The following SEC23IP variants were observed in gnomAD, a reference collection of about 807,000 sequenced individuals.
SEC23IP encodes the protein SEC23 interacting protein.
Under a neutral mutation model 113.4 loss-of-function variants are expected in SEC23IP, and 70 were observed. The ratio of observed to expected loss-of-function variants is 0.62; its 90% CI spans 0.51 to 0.75. SEC23IP has a LOEUF of 0.75. Ranked by LOEUF, SEC23IP falls within the 30% of genes least tolerant of loss-of-function variation. The pLI, the probability that SEC23IP is intolerant of heterozygous loss-of-function variation, is 0.00. For missense variants in SEC23IP, 1,160 were observed against 1,204.9 expected (o/e 0.96, Z 0.55); for synonymous variants, 398 against 421.0 (o/e 0.95, Z 0.67).
At chr10:119,893,514 CTTTTT>C (rs60552712) in intron 1 of SEC23IP, among the ~76,000 whole-genome samples, 1 of 85,336 alleles carries the variant, frequency 1.2e-5, no homozygotes, top group African/African-American at 5.1e-5. Context: ...CATTCCTTAT[CTTTTT>C]TTTTTTTTTT....
rs1186596091 is a variant in SEC23IP at position 119,902,826 on chromosome 10, C to T, written c.724C>T (p.Gln242Ter). The T allele has an allele frequency of 1.2e-6, 2 of 1,614,200 alleles. No individual in the cohort carries two copies. The highest frequency in any genetic ancestry group is 2.2e-5 in the East Asian group (1 of 44,884). The stretch of plus-strand genomic sequence containing the variant: ...TCCTTCTTCAGTGCAGTCACCGGCA[C>T]AGCAGCAGGTACCTGCCAGACCTGG... The part of the protein sequence containing the change: ...PVPSSVQSPA[Q>*]QQVPARPGAP... The change falls in exon 3 of 19, where the codon CAG (glutamine) becomes TAG (stop). Residue 242 changes from glutamine to a stop codon, truncating the protein, a stop_gained. Transcript: ENST00000369075. LOFTEE classifies it high-confidence loss of function.
At chr10:119,907,577 G>A (rs867498165) in intron 4 of SEC23IP, among the ~76,000 whole-genome samples, 23 of 152,226 alleles carry the variant, frequency 1.5e-4, no homozygotes, top group South Asian at 4.2e-4. Flanking sequence ...AGAATAGTAC[G>A]ATCGGCCCTC....
intron 7 of SEC23IP, among the ~76,000 whole-genome samples, chr10:119,915,293 T>C (rs1463788346): frequency 6.6e-6 from 1 of 152,110 alleles, no homozygotes; most frequent in Non-Finnish European, 1.5e-5. Flanking sequence ...AATAAACCTT[T>C]GGGGTATAGG....
At chr10:119,938,229 G>C (rs368845852) in intron 18 of SEC23IP, among the ~76,000 whole-genome samples, 52 of 152,234 alleles carry the variant, frequency 3.4e-4, no homozygotes, top group African/African-American at 1.1e-3. Flanking sequence ...TGGGGGAGGG[G>C]CTTTACCAAC....
rs567351582 is a variant in SEC23IP at position 119,940,642 on chromosome 10, A to G, written c.*77A>G. 6.6e-6 allele frequency: 1 copy of G among 151,972 alleles called. No individual in the cohort carries two copies. The highest frequency in any genetic ancestry group is 1.5e-5 in the Non-Finnish European group (1 of 67,982). The allele number at this position is 151,972 out of a possible 1,614,324, so 9.4% of individuals were successfully genotyped here. ...AACTTCCATTGCTGAGAAAATCCTC[A>G]GAGGACTTTCCCACTTCGCTCCTGT... On this transcript the variant is annotated 3_prime_UTR_variant, in exon 19 of 19. Coordinates refer to ENST00000369075, the MANE Select transcript of SEC23IP (RefSeq NM_007190.4).
intron 13 of SEC23IP, among the ~76,000 whole-genome samples, chr10:119,928,000 T>C (rs988400475): frequency 3.3e-5 from 5 of 152,384 alleles, no homozygotes; most frequent in African/African-American, 1.2e-4. Flanking sequence ...ATCATTTTCC[T>C]TTAAAAATAT....
rs1854369041 is a variant in SEC23IP, at chr10:119,898,670, C to T, written c.407C>T (p.Ser136Phe). Residue 136 changes from serine to phenylalanine, a missense_variant, in exon 2 of 19, where the codon TCC becomes TTC. Transcript: ENST00000369075. ...SQDVSNAFSPSISKAQPGAPP... is the reference protein window; with the variant it reads ...SQDVSNAFSPFISKAQPGAPP... The stretch of plus-strand genomic sequence containing the variant: ...GATGTCTCGAATGCATTTTCACCAT[C>T]CATTTCGAAGGCTCAACCTGGTGCT... 1 of 1,614,110 alleles carries T rather than the reference C, an allele frequency of 6.2e-7. No homozygotes were observed. The highest frequency in any genetic ancestry group is 8.5e-7 in the Non-Finnish European group (1 of 1,180,054).
chr10:119,901,894 C>A (rs1854510060), intron 2 of SEC23IP, among the ~76,000 whole-genome samples: 1 of 152,054 alleles, frequency 6.6e-6, no homozygotes. Context: ...ACCATGTTGG[C>A]CCGGCTTGTC....
rs1404620197 is a variant in SEC23IP at position 119,915,613 on chromosome 10, T to C, written c.1403-135T>C. 5 of 660,664 alleles carry C rather than the reference T, an allele frequency of 7.6e-6. No individual in the cohort carries two copies. In the East Asian group the frequency reaches 1.6e-4, roughly 21 times the overall value. 40.9% of individuals were successfully genotyped at this position (660,664 alleles called of 1,614,324 possible). Reference sequence around the variant, plus strand: ...TCTTTTTAAAAAATTTTACTAATTCTCTTATCCTCATTTTTTTCTTTAAAA... The same window carrying C: ...TCTTTTTAAAAAATTTTACTAATTCCCTTATCCTCATTTTTTTCTTTAAAA... On this transcript the variant is annotated intron_variant, in intron 7 of 18. Coordinates refer to ENST00000369075, the MANE Select transcript of SEC23IP (RefSeq NM_007190.4).
chr10:119,920,713 C>G (rs1263720474), intron 11 of SEC23IP, among the ~76,000 whole-genome samples, 176 bp from the exon 12 acceptor site: 1 of 152,126 alleles, frequency 6.6e-6, no homozygotes, highest in Non-Finnish European at 1.5e-5. Flanking sequence ...GTGTGGAAGC[C>G]TAAGATTTTA....
Position 119,942,109 on chromosome 10 carries a change from AT to A in SEC23IP, c.*1545del. On this transcript the variant is annotated 3_prime_UTR_variant, in exon 19 of 19. Coordinates refer to ENST00000369075, the MANE Select transcript of SEC23IP (RefSeq NM_007190.4). Reference sequence around the variant, plus strand: ...ATAAAGAAAAATGAGGGTTATTTATATACATTTCAATAAAATCCAATTTGAT... The same window carrying A: ...ATAAAGAAAAATGAGGGTTATTTATAACATTTCAATAAAATCCAATTTGAT... 6.6e-6 allele frequency: 1 copy of A among 152,338 alleles called. No homozygotes were observed. Among genetic ancestry groups the A allele is most frequent in the South Asian group, 2.1e-4 (1 of 4,826 alleles). 9.4% of individuals were successfully genotyped at this position (152,338 alleles called of 1,614,324 possible). A position where few individuals can be genotyped will look rare whatever the true frequency, so the allele number is the denominator to read the frequency against.
intron 18 of SEC23IP, among the ~76,000 whole-genome samples, chr10:119,938,373 G>A (rs1380784366): frequency 6.6e-6 from 1 of 152,136 alleles, no homozygotes; most frequent in Non-Finnish European, 1.5e-5. Context: ...TCTTTCCATT[G>A]TCAAGGAAGA....
chr10:119,915,680 T>G, intron 7 of SEC23IP, 68 bp from the exon 8 acceptor site: 1 of 1,128,782 alleles, frequency 8.9e-7, no homozygotes, highest in Non-Finnish European at 1.2e-6. Flanking sequence ...ATATTTGAGG[T>G]AACTGCTGAC....
chr10:119,914,866 T>C (rs1385414695), intron 7 of SEC23IP, 47 bp downstream of exon 7: 6 of 1,531,876 alleles, frequency 3.9e-6, no homozygotes, highest in Non-Finnish European at 5.4e-6. Context: ...TGAGAACTAA[T>C]AGAAGAGCTT....
chr10:119,912,802 G>A (rs765023165), intron 6 of SEC23IP, among the ~76,000 whole-genome samples: 28 of 151,762 alleles, frequency 1.8e-4, no homozygotes, highest in South Asian at 1.7e-3. Context: ...CACCACGCCC[G>A]GCTAATTTTT....
At chr10:119,939,176 G>A (rs745533437) in intron 18 of SEC23IP, among the ~76,000 whole-genome samples, 2 of 151,860 alleles carry the variant, frequency 1.3e-5, no homozygotes, top group African/African-American at 2.4e-5. Flanking sequence ...AAAATCACTG[G>A]GGCATGATGG....
intron 4 of SEC23IP, among the ~76,000 whole-genome samples, chr10:119,907,844 C>G (rs1050616720): frequency 1.3e-5 from 2 of 152,012 alleles, no homozygotes; most frequent in African/African-American, 4.8e-5. Flanking sequence ...GCCAGTTACT[C>G]GGGAGGCTGA....
intron 18 of SEC23IP, among the ~76,000 whole-genome samples, chr10:119,936,543 C>CCA (rs1855789518): frequency 1.3e-5 from 1 of 76,840 alleles, no homozygotes; most frequent in Non-Finnish European, 2.5e-5. Context: ...GATTCCGTCT[C>CCA]AAAAAAAAAA....
intron 3 of SEC23IP, 114 bp downstream of exon 3, chr10:119,903,123 A>G (rs1028114441): frequency 2.4e-6 from 2 of 841,682 alleles, no homozygotes; most frequent in African/African-American, 3.4e-5. Flanking sequence ...TATAGACCCC[A>G]GACTCTGTAC....
Sources: gnomAD v4.1 joint callset for allele counts (sites outside exome capture counted in the v4.1 genomes callset) on GRCh38, gnomAD v4.1.1 for gene constraint, MANE v1.5 for transcripts, NCBI Gene and HGNC (gene_info 2026-07-23, HGNC 2026-07-21) for gene names.